CDCP1: variants seen among roughly 807,000 people sequenced by gnomAD.
CDCP1 encodes the protein CUB domain containing protein 1.
Under a neutral mutation model 60.2 loss-of-function variants are expected in CDCP1, and 29 were observed. The ratio of observed to expected loss-of-function variants is 0.48; its 90% CI spans 0.36 to 0.66. The LOEUF is 0.66. Among genes scored for constraint, CDCP1 ranks in the 30% least tolerant of loss-of-function variants. The pLI, the probability that CDCP1 is intolerant of heterozygous loss-of-function variation, is 0.00. For missense variants in CDCP1, 876 were observed against 1,074.3 expected, an observed-to-expected ratio of 0.82 and a Z score of 2.58; for synonymous variants, 387 against 431.1, an observed-to-expected ratio of 0.90 and a Z score of 1.27.
chr3:45,129,423 A>G (rs1699051391), intron 1 of CDCP1, among the ~76,000 whole-genome samples: 1 of 152,264 alleles, frequency 6.6e-6, no homozygotes, highest in Admixed American at 6.5e-5. Flanking sequence ...GAACACGGGA[A>G]TTGCAGAATT....
At chr3:45,133,888 A>G (rs1054932893) in intron 1 of CDCP1, among the ~76,000 whole-genome samples, 4 of 152,026 alleles carry the variant, frequency 2.6e-5, no homozygotes, top group Non-Finnish European at 5.9e-5. Flanking sequence ...CTCCTCCTCC[A>G]TCTCCGATGT....
chr3:45,139,889 C>T (rs771139763), intron 1 of CDCP1, among the ~76,000 whole-genome samples: 1 of 152,184 alleles, frequency 6.6e-6, no homozygotes, highest in Non-Finnish European at 1.5e-5. Flanking sequence ...TGCCGTGAGT[C>T]CTTCAAACTC....
chr3:45,136,293 G>A (rs1055550201), intron 1 of CDCP1, among the ~76,000 whole-genome samples: 1 of 152,238 alleles, frequency 6.6e-6, no homozygotes, highest in Admixed American at 6.5e-5. Context: ...GACAGGGAGA[G>A]AGACTGTGGG....
rs941563704 is a variant in CDCP1 at position 45,091,075 on chromosome 3, T to C, written c.1993+98A>G. The C allele has an allele frequency of 4.5e-5, 61 of 1,342,668 alleles. No homozygotes were observed. Among genetic ancestry groups the C allele is most frequent in the Non-Finnish European group, 6.1e-5 (60 of 976,486 alleles). The allele number at this position is 1,342,668 out of a possible 1,614,324, so 83.2% of individuals were successfully genotyped here. A position where few individuals can be genotyped will look rare whatever the true frequency, so the allele number is the denominator to read the frequency against. ...TGACTGATACATGGACAGTCAGGAC[T>C]CAATCTGTGATTCTGACTTGTCTCC... On this transcript the variant is annotated intron_variant, in intron 7 of 8. Transcript: ENST00000296129. The surrounding 1 kb of genome is among the most constrained non-coding windows in gnomAD (Gnocchi z 4.8).
intron 4 of CDCP1, among the ~76,000 whole-genome samples, chr3:45,109,586 T>C (rs1033027784): frequency 6.6e-6 from 1 of 151,974 alleles, no homozygotes; most frequent in Non-Finnish European, 1.5e-5. Context: ...GAAGAGCCAG[T>C]CTGAGTTAAT....
intron 1 of CDCP1, among the ~76,000 whole-genome samples, chr3:45,135,492 G>A (rs1300844150): frequency 6.6e-6 from 1 of 152,130 alleles, no homozygotes; most frequent in Non-Finnish European, 1.5e-5. Context: ...ATCCTCATTA[G>A]ACTATATTCT....
intron 1 of CDCP1, among the ~76,000 whole-genome samples, chr3:45,131,750 T>C (rs1453781244): frequency 6.6e-6 from 1 of 152,138 alleles, no homozygotes; most frequent in African/African-American, 2.4e-5. Flanking sequence ...ACTCAAAAGA[T>C]GGCAAAAGGT....
chr3:45,082,447 C>T lies in CDCP1; in HGVS notation c.*3191G>A, dbSNP rs1298570415. 2 of 152,206 alleles carry T rather than the reference C, an allele frequency of 1.3e-5. No homozygotes were observed. The highest frequency in any genetic ancestry group is 2.9e-5 in the Non-Finnish European group (2 of 68,044). The allele number at this position is 152,206 out of a possible 1,614,324, so 9.4% of individuals were successfully genotyped here. On this transcript the variant is annotated 3_prime_UTR_variant, in exon 9 of 9. Coordinates refer to ENST00000296129, the MANE Select transcript of CDCP1 (RefSeq NM_022842.5). ...CCCATGCTGAGCCTGTCACAGTCAA[C>T]AACTGGGAAACCGGGGCCTCTACTG...
In CDCP1 at chr3:45,084,029, A is replaced by T. The variant is rs760495554; in HGVS notation, c.*1609T>A. On this transcript the variant is annotated 3_prime_UTR_variant, in exon 9 of 9. Transcript: ENST00000296129. Reference sequence around the variant, plus strand: ...AATCCCAGTCTTTCTTTTTCATTACAATAAATGCAACCTGCAGGGGCATTG... The same window carrying T: ...AATCCCAGTCTTTCTTTTTCATTACTATAAATGCAACCTGCAGGGGCATTG... 2.6e-5 allele frequency: 4 copies of T among 152,200 alleles called. No homozygotes were observed. Among genetic ancestry groups the T allele is most frequent in the Non-Finnish European group, 5.9e-5 (4 of 68,036 alleles). 9.4% of individuals were successfully genotyped at this position (152,200 alleles called of 1,614,324 possible).
intron 5 of CDCP1, 53 bp downstream of exon 5, chr3:45,095,294 G>A: frequency 6.5e-7 from 1 of 1,532,392 alleles, no homozygotes. Context: ...GGCAAGGCGG[G>A]GAGAGAAGAG....
chr3:45,086,788 C>T (rs529586707), intron 8 of CDCP1, among the ~76,000 whole-genome samples: 1 of 152,242 alleles, frequency 6.6e-6, no homozygotes, highest in African/African-American at 2.4e-5. Context: ...TGGGCATTAG[C>T]GCTTGCTGCC....
rs145595755 is a variant in CDCP1, at chr3:45,122,144, AT to A, written c.83-3524del. 6.5e-3 allele frequency among the ~76,000 whole-genome samples: 894 copies of A among 138,258 alleles called. 4 individuals are homozygous for A. Among genetic ancestry groups the A allele is most frequent in the East Asian group, 0.036 (171 of 4,702 alleles). 90.7% of individuals were successfully genotyped at this position (138,258 alleles called of 152,430 possible). On this transcript the variant is annotated intron_variant, in intron 1 of 8. Coordinates refer to ENST00000296129, the MANE Select transcript of CDCP1 (RefSeq NM_022842.5). ...AGTCAAAGAAAAATGTATAATCTGT[AT>A]TTTTTTTTTTTTTTTTGAGACGGAA...
At position 45,085,770 on chromosome 3, in the gene CDCP1, T is replaced by C. The variant is rs1360359988; in HGVS notation, c.2379A>G (p.Pro793=). 6.2e-7 allele frequency: 1 copy of C among 1,613,808 alleles called. No homozygotes were observed. Among genetic ancestry groups the C allele is most frequent in the Non-Finnish European group, 8.5e-7 (1 of 1,179,970 alleles). The change falls in exon 9 of 9, where the codon CCA becomes CCG. Residue 793 remains proline, a synonymous_variant. Transcript: ENST00000296129. The surrounding 1 kb of genome is among the most constrained non-coding windows in gnomAD (Gnocchi z 4.2). ...APTAKLATEE[P]PPRSPPESES... is the part of the protein sequence containing the mutation. ...CAGACTCAGGAGGGGAGCGAGGAGG[T>C]GGCTCCTCAGTGGCCAACTTTGCAG...
chr3:45,132,947 G>T (rs1040946524), intron 1 of CDCP1, among the ~76,000 whole-genome samples: 1 of 152,204 alleles, frequency 6.6e-6, no homozygotes, highest in Non-Finnish European at 1.5e-5. Flanking sequence ...ATGTTGAACG[G>T]TACTGTTAAC....
In CDCP1 at chr3:45,091,381, G is replaced by A. The variant is rs145933687; in HGVS notation, c.1785C>T (p.Ser595=). Residue 595 remains serine (S), a synonymous_variant, in exon 7 of 9, where the codon AGC becomes AGT. Coordinates refer to ENST00000296129, the MANE Select transcript of CDCP1 (RefSeq NM_022842.5). This position sits in a 1 kb window ranked among gnomAD's most constrained non-coding sequence, Gnocchi z 4.8. Reference sequence around the variant, plus strand: ...CGCGCCCTGTCTGGCAGACCACGCCGCTCCGCTCCTTAAAGAAAGTCAGGC... The same window carrying A: ...CGCGCCCTGTCTGGCAGACCACGCCACTCCGCTCCTTAAAGAAAGTCAGGC... ...VACLTFFKER[S]GVVCQTGRAF... 41 of 1,614,012 alleles carry A rather than the reference G, an allele frequency of 2.5e-5. No individual in the cohort carries two copies. The highest frequency in any genetic ancestry group is 6.7e-5 in the East Asian group (3 of 44,894).
intron 4 of CDCP1, among the ~76,000 whole-genome samples, chr3:45,109,690 G>GTGC (rs1360256127): frequency 7.2e-5 from 11 of 151,960 alleles, no homozygotes; most frequent in Non-Finnish European, 1.3e-4. Context: ...GTTTAAGGAG[G>GTGC]TGCTCACTCT....
At chr3:45,143,894 T>C (rs1699337629) in intron 1 of CDCP1, among the ~76,000 whole-genome samples, 1 of 152,172 alleles carries the variant, frequency 6.6e-6, no homozygotes, top group African/African-American at 2.4e-5. Flanking sequence ...CAACAGCCAG[T>C]AGCTCCTCAT....
At chr3:45,117,380 C>T (rs1342981696) in intron 2 of CDCP1, among the ~76,000 whole-genome samples, 1 of 152,016 alleles carries the variant, frequency 6.6e-6, no homozygotes, top group Non-Finnish European at 1.5e-5. Context: ...TTTATTTTAT[C>T]CTCACAACTC....
rs532145894 is a variant in CDCP1 at position 45,097,737 on chromosome 3, C to T, written c.1025-2169G>A. On this transcript the variant is annotated intron_variant, in intron 4 of 8. Transcript: ENST00000296129. Reference sequence around the variant, plus strand: ...CTCTTGAACTGGCTGCAGGGAAGCTCGGTGTCAAATTAGTAGCACAATTAG... The same window carrying T: ...CTCTTGAACTGGCTGCAGGGAAGCTTGGTGTCAAATTAGTAGCACAATTAG... Among the ~76,000 whole-genome samples, 10 of 152,242 alleles carry T rather than the reference C, an allele frequency of 6.6e-5. No individual in the cohort carries two copies. The South Asian group carries it at 8.3e-4, about 13-fold the overall frequency.
Sources: gnomAD v4.1 joint callset for allele counts (sites outside exome capture counted in the v4.1 genomes callset) on GRCh38, gnomAD v4.1.1 for gene constraint, Gnocchi (gnomAD v3.1) non-coding constraint, MANE v1.5 for transcripts, NCBI Gene and HGNC (gene_info 2026-07-23, HGNC 2026-07-21) for gene names.